Variants in SH3PXD2A observed in about 807,000 individuals in gnomAD.
The protein encoded by SH3PXD2A is SH3 and PX domain-containing protein 2A.
Under a neutral mutation model 115.2 loss-of-function variants are expected in SH3PXD2A, and 32 were observed. The ratio of observed to expected loss-of-function variants is 0.28; its 90% confidence interval spans 0.21 to 0.37. The LOEUF (loss-of-function observed/expected upper bound fraction) is 0.37. Among genes scored for constraint, SH3PXD2A ranks in the 10% least tolerant of loss-of-function variants. SH3PXD2A has a pLI of 1.00. For missense variants in SH3PXD2A, 1,328 were observed against 1,498.7 expected (o/e 0.89, Z 1.88); for synonymous variants, 610 against 629.1 (o/e 0.97, Z 0.45).
chr10:103,670,655 T>G (rs1267004806), intron 6 of SH3PXD2A, among the ~76,000 whole-genome samples: 1 of 152,108 alleles, frequency 6.6e-6, no homozygotes, highest in East Asian at 1.9e-4. Context: ...GAATGGAAGG[T>G]AGAGGGACTC....
Position 103,784,521 on chromosome 10 carries a change from A to T in SH3PXD2A, c.153+16761T>A, listed in dbSNP as rs2038962463. Among the ~76,000 whole-genome samples, 1 of 152,232 alleles carries T rather than the reference A, an allele frequency of 6.6e-6. No homozygotes were observed. The highest frequency in any genetic ancestry group is 2.4e-5 in the African/African-American group (1 of 41,460). On this transcript the variant is annotated intron_variant, in intron 2 of 14. Coordinates refer to ENST00000369774, the MANE Select transcript of SH3PXD2A (RefSeq NM_001394015.1). The surrounding 1 kb of genome is among the most constrained non-coding windows in gnomAD (Gnocchi z 4.4). ...ATGTGGCAAAATATTCACGTGTTAA[A>T]TCTGGGCAGTCGGTCCTCTCATGCC...
intron 1 of SH3PXD2A, among the ~76,000 whole-genome samples, chr10:103,839,345 A>G (rs1169123498): frequency 6.6e-6 from 1 of 152,182 alleles, no homozygotes; most frequent in Non-Finnish European, 1.5e-5. Context: ...AGCTCTGAAC[A>G]TGCACATGCG....
At position 103,601,984 on chromosome 10, in the gene SH3PXD2A, G is replaced by C. The variant is rs926312895; in HGVS notation, c.3234C>G (p.Val1078=). The C allele has an allele frequency of 1.2e-6, 2 of 1,613,916 alleles. No homozygotes were observed. The highest frequency in any genetic ancestry group is 1.7e-6 in the Non-Finnish European group (2 of 1,180,002). ...FIHNNLKDVY[V]SIADYEGDEE... ...CATCCCCCTCGTAGTCTGCGATAGA[G>C]ACGTACACATCTTTGAGGTTATTGT... The change falls in exon 15 of 15, where the codon GTC becomes GTG. Residue 1078 remains valine, a synonymous_variant. Coordinates refer to ENST00000369774, the MANE Select transcript of SH3PXD2A (RefSeq NM_001394015.1).
chr10:103,808,477 C>T (rs1474469657), intron 1 of SH3PXD2A, among the ~76,000 whole-genome samples: 2 of 152,038 alleles, frequency 1.3e-5, no homozygotes, highest in Non-Finnish European at 2.9e-5. Flanking sequence ...TTTGTAACTC[C>T]TGGCCTCAAG....
At chr10:103,799,182 A>G (rs2039124011) in intron 2 of SH3PXD2A, among the ~76,000 whole-genome samples, 1 of 152,174 alleles carries the variant, frequency 6.6e-6, no homozygotes, top group South Asian at 2.1e-4. Flanking sequence ...ACAATCTCTC[A>G]GGGACATGAG....
intron 9 of SH3PXD2A, among the ~76,000 whole-genome samples, chr10:103,623,375 T>A (rs2036640017): frequency 6.6e-6 from 1 of 152,024 alleles, no homozygotes; most frequent in South Asian, 2.1e-4. Context: ...CACCCTCTGC[T>A]CAGACCCCAG....
At chr10:103,769,730 C>G (rs987193593) in intron 2 of SH3PXD2A, among the ~76,000 whole-genome samples, 1 of 152,106 alleles carries the variant, frequency 6.6e-6, no homozygotes, top group Admixed American at 6.5e-5. Flanking sequence ...CGGCGCCTGG[C>G]CACGTGAGTT....
intron 7 of SH3PXD2A, among the ~76,000 whole-genome samples, 160 bp from the exon 8 acceptor site, chr10:103,661,274 G>T (rs2037296701): frequency 6.6e-6 from 1 of 152,250 alleles, no homozygotes; most frequent in Non-Finnish European, 1.5e-5. Flanking sequence ...AGGGCGCCAA[G>T]GACAGGCCAT....
intron 5 of SH3PXD2A, among the ~76,000 whole-genome samples, chr10:103,701,174 AT>A (rs1564867765): frequency 1.4e-5 from 2 of 138,316 alleles, no homozygotes; most frequent in African/African-American, 2.9e-5. Context: ...CCATCCATCC[AT>A]CCACCATCCA....
chr10:103,832,661 C>A (rs889751358), intron 1 of SH3PXD2A, among the ~76,000 whole-genome samples: 4 of 152,134 alleles, frequency 2.6e-5, no homozygotes, highest in African/African-American at 7.2e-5. Flanking sequence ...GGACAAAAAA[C>A]CAAACATCGC....
chr10:103,644,148 C>A (rs954907664), intron 8 of SH3PXD2A, among the ~76,000 whole-genome samples: 4 of 146,962 alleles, frequency 2.7e-5, no homozygotes, highest in African/African-American at 1.0e-4. Flanking sequence ...AAGAATCTGC[C>A]GAACCTTGGT....
At chr10:103,607,052 G>A (rs886094410) in intron 13 of SH3PXD2A, among the ~76,000 whole-genome samples, 2 of 150,694 alleles carry the variant, frequency 1.3e-5, no homozygotes, top group African/African-American at 4.9e-5. Context: ...GAAGTGAGGA[G>A]CGCCTCTTCC....
intron 3 of SH3PXD2A, among the ~76,000 whole-genome samples, chr10:103,736,337 G>C (rs532673006): frequency 6.6e-6 from 1 of 152,312 alleles, no homozygotes. Context: ...CCCTGGCCTC[G>C]CTGCACACAC....
At chr10:103,742,419 T>A (rs2038454121) in intron 3 of SH3PXD2A, among the ~76,000 whole-genome samples, 1 of 152,214 alleles carries the variant, frequency 6.6e-6, no homozygotes, top group South Asian at 2.1e-4. Context: ...CTGAGTTTAG[T>A]GCCCACCCTA....
chr10:103,767,552 T>G (rs757377414), intron 2 of SH3PXD2A, among the ~76,000 whole-genome samples: 1 of 152,160 alleles, frequency 6.6e-6, no homozygotes, highest in Non-Finnish European at 1.5e-5. Context: ...CTTCAGCCAC[T>G]GGCCATCCCG....
chr10:103,716,519 G>A (rs2038106675), intron 5 of SH3PXD2A, among the ~76,000 whole-genome samples: 1 of 152,228 alleles, frequency 6.6e-6, no homozygotes, highest in South Asian at 2.1e-4. Flanking sequence ...AATTTAACCA[G>A]GATCATGGCT....
chr10:103,623,467 C>G (rs1305340993), intron 9 of SH3PXD2A, among the ~76,000 whole-genome samples: 2 of 152,178 alleles, frequency 1.3e-5, no homozygotes, highest in Non-Finnish European at 2.9e-5. Flanking sequence ...GCTGGCCTCA[C>G]TTCCTGCCAC....
intron 1 of SH3PXD2A, among the ~76,000 whole-genome samples, chr10:103,851,638 T>C (rs1161645373): frequency 1.3e-5 from 2 of 152,222 alleles, no homozygotes; most frequent in African/African-American, 4.8e-5. Context: ...TTAATTCATC[T>C]GTAAAACAGA....
chr10:103,608,156 A>AAAAAAAAAAAAGTTTAC (rs1554903081), intron 13 of SH3PXD2A, among the ~76,000 whole-genome samples: 3 of 144,294 alleles, frequency 2.1e-5, no homozygotes, highest in African/African-American at 7.7e-5. Flanking sequence ...AATTTAAAAA[A>AAAAAAAAAAAAGTTTAC]AAAAAAAAAA....
Sources: allele counts gnomAD v4.1 joint callset (sites outside exome capture counted in the v4.1 genomes callset), GRCh38; gene constraint gnomAD v4.1.1; non-coding constraint Gnocchi (gnomAD v3.1); transcripts MANE v1.5; gene names NCBI Gene and HGNC (gene_info 2026-07-23, HGNC 2026-07-21).